Variants in ADAM23 observed in about 807,000 individuals in gnomAD.
ADAM23 encodes the protein ADAM metallopeptidase domain 23.
A neutral mutation model predicts 120.1 loss-of-function variants in ADAM23; 33 were observed. That is an observed-to-expected ratio of 0.27 (90% CI 0.21 to 0.37). The LOEUF (loss-of-function observed/expected upper bound fraction) is 0.37, where lower values mean the gene tolerates loss of function less well. Among genes scored for constraint, ADAM23 ranks in the 10% least tolerant of loss-of-function variants. ADAM23 has a pLI of 1.00. For missense variants in ADAM23, 862 were observed against 1,058.2 expected (o/e 0.81, Z 2.57); for synonymous variants, 367 against 375.2 (o/e 0.98, Z 0.25).
At chr2:206,557,532 A>G (rs761501740) in intron 10 of ADAM23, 34 bp downstream of exon 10, 4 of 1,543,774 alleles carry the variant, frequency 2.6e-6, no homozygotes, top group Admixed American at 1.7e-5. Flanking sequence ...TTTGTGTGCC[A>G]AGATGGAATG....
intron 24 of ADAM23, among the ~76,000 whole-genome samples, chr2:206,602,811 T>G (rs1559285418): frequency 6.6e-6 from 1 of 152,156 alleles, no homozygotes; most frequent in Non-Finnish European, 1.5e-5. Flanking sequence ...TTACCAAAAA[T>G]TCTGTCTTTT....
At chr2:206,576,117 GT>G (rs999120192) in intron 18 of ADAM23, among the ~76,000 whole-genome samples, 1 of 151,966 alleles carries the variant, frequency 6.6e-6, no homozygotes, top group Non-Finnish European at 1.5e-5. Context: ...ATATAAATAG[GT>G]TTTTTTGCAA....
intron 3 of ADAM23, among the ~76,000 whole-genome samples, chr2:206,500,281 T>G (rs1696360361): frequency 6.6e-6 from 1 of 152,110 alleles, no homozygotes; most frequent in Non-Finnish European, 1.5e-5. Flanking sequence ...GTCTCTTTCT[T>G]TGAAGGCAAC....
At position 206,619,002 on chromosome 2, in the gene ADAM23, T is replaced by C. The variant is rs1054526802; in HGVS notation, c.*1375T>C. 1 of 152,214 alleles carries C rather than the reference T, an allele frequency of 6.6e-6. No homozygotes were observed. Among genetic ancestry groups the C allele is most frequent in the Non-Finnish European group, 1.5e-5 (1 of 68,050 alleles). The allele number at this position is 152,214 out of a possible 1,614,324, so 9.4% of individuals were successfully genotyped here. On this transcript the variant is annotated 3_prime_UTR_variant, in exon 26 of 26. Transcript: ENST00000264377. ...GCTTGGAAAAAATTAAGCTTTCCAT[T>C]TTATTTGTATTTGTTAGTGTCAATA...
chr2:206,619,636 A>G lies in ADAM23; in HGVS notation c.*2009A>G, dbSNP rs1342673226. 6.6e-6 allele frequency: 1 copy of G among 152,096 alleles called. No homozygotes were observed. The highest frequency in any genetic ancestry group is 6.6e-5 in the Admixed American group (1 of 15,264). The allele number at this position is 152,096 out of a possible 1,614,324, so 9.4% of individuals were successfully genotyped here. On this transcript the variant is annotated 3_prime_UTR_variant, in exon 26 of 26. Transcript: ENST00000264377. The stretch of plus-strand genomic sequence containing the variant: ...CAAGATTCATGTTATCCGTCTTACA[A>G]CTTTGATTTTGGAAAGTATTATGTC...
Position 206,560,264 on chromosome 2 carries a change from G to A in ADAM23, c.1169+146G>A. 5 of 827,726 alleles carry A rather than the reference G, an allele frequency of 6.0e-6. No homozygotes were observed. In the South Asian group the frequency reaches 8.2e-5, roughly 14 times the overall value. 51.3% of individuals were successfully genotyped at this position (827,726 alleles called of 1,614,324 possible). Reference sequence around the variant, plus strand: ...CTTTGTCTGTTAGATAAGAAGCATGGAGTTAGGATATCCCATGCTGGGATG... The same window carrying A: ...CTTTGTCTGTTAGATAAGAAGCATGAAGTTAGGATATCCCATGCTGGGATG... On this transcript the variant is annotated intron_variant, in intron 11 of 25. Transcript: ENST00000264377.
chr2:206,599,826 A>G (rs192429202), intron 24 of ADAM23, among the ~76,000 whole-genome samples: 2 of 152,344 alleles, frequency 1.3e-5, no homozygotes, highest in East Asian at 3.9e-4. Context: ...GTAATAGGTA[A>G]TGGACTCAAG....
At chr2:206,605,949 G>T in intron 24 of ADAM23, 1 of 602,106 alleles carries the variant, frequency 1.7e-6, no homozygotes, top group South Asian at 2.0e-5. Flanking sequence ...GCCTGTACCT[G>T]ACTCCATGTC....
intron 3 of ADAM23, among the ~76,000 whole-genome samples, chr2:206,486,006 C>G (rs1340047060): frequency 1.3e-5 from 2 of 152,108 alleles, no homozygotes; most frequent in Non-Finnish European, 2.9e-5. Context: ...AGGGCAGAGG[C>G]CATTATGCAG....
chr2:206,551,557 C>A (rs1256884143), intron 9 of ADAM23, among the ~76,000 whole-genome samples: 2 of 152,052 alleles, frequency 1.3e-5, no homozygotes, highest in African/African-American at 4.8e-5. Context: ...ATTGAAATTG[C>A]TTTGGAATTA....
At chr2:206,444,164 C>G (rs1695025466) in intron 1 of ADAM23, 84 bp downstream of exon 1, 3 of 1,089,648 alleles carry the variant, frequency 2.8e-6, no homozygotes, top group African/African-American at 1.6e-5. Context: ...TCCGTGTGCT[C>G]CGGGCTTGTC....
intron 3 of ADAM23, among the ~76,000 whole-genome samples, chr2:206,503,908 A>C (rs1299631807): frequency 6.6e-6 from 1 of 152,148 alleles, no homozygotes; most frequent in Non-Finnish European, 1.5e-5. Flanking sequence ...GCAACTACGT[A>C]AATTTTGACC....
intron 9 of ADAM23, among the ~76,000 whole-genome samples, chr2:206,551,859 T>C (rs1020982123): frequency 6.6e-6 from 1 of 152,220 alleles, no homozygotes; most frequent in Non-Finnish European, 1.5e-5. Context: ...CCTTTAAATA[T>C]ATTGCTTGAG....
At chr2:206,492,028 A>G (rs1399458388) in intron 3 of ADAM23, among the ~76,000 whole-genome samples, 2 of 152,220 alleles carry the variant, frequency 1.3e-5, no homozygotes, top group Admixed American at 1.3e-4. Context: ...GCTAAGTGCC[A>G]GGCACTGTCA....
intron 4 of ADAM23, among the ~76,000 whole-genome samples, chr2:206,532,628 A>G (rs1346347282): frequency 1.3e-5 from 2 of 152,170 alleles, no homozygotes; most frequent in African/African-American, 4.8e-5. Flanking sequence ...TGTACATCAG[A>G]AAAACCCAAG....
intron 23 of ADAM23, among the ~76,000 whole-genome samples, chr2:206,595,486 G>A (rs1040494266): frequency 1.3e-5 from 2 of 151,494 alleles, no homozygotes; most frequent in African/African-American, 2.4e-5. Context: ...GTGTGGGGGT[G>A]TGGTGGGGGG....
chr2:206,477,530 A>G (rs1695798206), intron 2 of ADAM23, among the ~76,000 whole-genome samples: 2 of 152,124 alleles, frequency 1.3e-5, no homozygotes, highest in Non-Finnish European at 2.9e-5. Context: ...TATTATAGTG[A>G]ATGTCCTTAT....
chr2:206,601,334 A>G (rs1698637011), intron 24 of ADAM23, among the ~76,000 whole-genome samples: 1 of 152,248 alleles, frequency 6.6e-6, no homozygotes, highest in Non-Finnish European at 1.5e-5. Flanking sequence ...GAAAGAATTC[A>G]GTCTAGACCC....
intron 3 of ADAM23, among the ~76,000 whole-genome samples, chr2:206,493,068 G>A (rs1696165349): frequency 6.6e-6 from 1 of 152,148 alleles, no homozygotes; most frequent in Admixed American, 6.5e-5. Flanking sequence ...GACATCACAT[G>A]AACTGGCTCA....
Sources: gnomAD v4.1 joint callset for allele counts (sites outside exome capture counted in the v4.1 genomes callset) on GRCh38, gnomAD v4.1.1 for gene constraint, MANE v1.5 for transcripts, NCBI Gene and HGNC (gene_info 2026-07-23, HGNC 2026-07-21) for gene names.